TSPAN18: variants seen among roughly 807,000 people sequenced by gnomAD.
The protein encoded by TSPAN18 is tetraspanin 18, also known as tetraspanin-18.
Under a neutral mutation model 27.3 loss-of-function variants are expected in TSPAN18, and 14 were observed. The ratio of observed to expected loss-of-function variants is 0.51; its 90% CI spans 0.34 to 0.80. The LOEUF is 0.80. Ranked by LOEUF, TSPAN18 falls within the 30% of genes least tolerant of loss-of-function variation. TSPAN18 has a pLI of 0.01. For missense variants in TSPAN18, 268 were observed against 323.9 expected (o/e 0.83, Z 1.32); for synonymous variants, 143 against 136.5 (o/e 1.05, Z -0.33).
At chr11:44,862,183 G>A (rs996697073) in intron 3 of TSPAN18, among the ~76,000 whole-genome samples, 1 of 152,212 alleles carries the variant, frequency 6.6e-6, no homozygotes, top group Non-Finnish European at 1.5e-5. Context: ...TGGAAGCTCC[G>A]TCTCTGGGGG....
intron 3 of TSPAN18, among the ~76,000 whole-genome samples, chr11:44,861,615 T>A (rs1212808055): frequency 6.6e-6 from 1 of 151,850 alleles, no homozygotes; most frequent in Non-Finnish European, 1.5e-5. Flanking sequence ...AAAGGAATGC[T>A]GGGCAGACAA....
At chr11:44,741,284 A>T (rs1293004496) in intron 1 of TSPAN18, among the ~76,000 whole-genome samples, 1 of 152,234 alleles carries the variant, frequency 6.6e-6, no homozygotes, top group Non-Finnish European at 1.5e-5. Context: ...AAAGCAGTTT[A>T]ATGAAAGAAA....
intron 1 of TSPAN18, among the ~76,000 whole-genome samples, chr11:44,749,228 C>T (rs976622639): frequency 6.6e-5 from 10 of 152,190 alleles, no homozygotes; most frequent in African/African-American, 9.7e-5. Flanking sequence ...GAGCCTTGAG[C>T]GAGTCTCTTA....
intron 3 of TSPAN18, among the ~76,000 whole-genome samples, chr11:44,860,975 T>C (rs1857863367): frequency 6.6e-6 from 1 of 152,212 alleles, no homozygotes; most frequent in Non-Finnish European, 1.5e-5. Context: ...TTCTAATATA[T>C]TGGTTTCTAA....
intron 2 of TSPAN18, among the ~76,000 whole-genome samples, chr11:44,805,256 G>C (rs752368650): frequency 1.3e-5 from 2 of 152,220 alleles, no homozygotes; most frequent in Non-Finnish European, 2.9e-5. Context: ...GCAGATGCGT[G>C]CATCTGTGTG....
chr11:44,820,141 T>C (rs1423086216), intron 2 of TSPAN18, among the ~76,000 whole-genome samples: 2 of 152,248 alleles, frequency 1.3e-5, no homozygotes, highest in South Asian at 4.1e-4. Context: ...GGGTGGCCCA[T>C]GCTCTCTGTG....
In TSPAN18 at chr11:44,919,263, A is replaced by G. The variant is rs1191458147; in HGVS notation, c.383A>G (p.Asn128Ser). The change falls in exon 7 of 10, where the codon AAT becomes AGT. Residue 128 changes from asparagine (N) to serine (S), a missense_variant. Transcript: ENST00000520358. ...GAGCTCACCAAGCACTACCAGGGCA[A>G]TAACGACACAGACGTCTTCTCTGCC... ...TKELTKHYQG[N>S]NDTDVFSATW... The G allele has an allele frequency of 3.7e-6, 6 of 1,614,162 alleles. No individual in the cohort carries two copies. In the Admixed American group the frequency reaches 1.0e-4, roughly 27 times the overall value.
chr11:44,828,869 T>A (rs1857098605), intron 2 of TSPAN18, among the ~76,000 whole-genome samples: 1 of 151,956 alleles, frequency 6.6e-6, no homozygotes, highest in South Asian at 2.1e-4. Context: ...CCTAAATAGC[T>A]CTTGAATCTA....
At chr11:44,832,113 C>T (rs941884302) in intron 2 of TSPAN18, among the ~76,000 whole-genome samples, 1 of 152,168 alleles carries the variant, frequency 6.6e-6, no homozygotes, top group Non-Finnish European at 1.5e-5. Flanking sequence ...GTCATAGTGA[C>T]CTTCAGTTCC....
At chr11:44,863,651 T>G (rs1857955929) in intron 3 of TSPAN18, among the ~76,000 whole-genome samples, 1 of 152,200 alleles carries the variant, frequency 6.6e-6, no homozygotes, top group Non-Finnish European at 1.5e-5. Context: ...GCTGCACTAC[T>G]GATGTCCTTA....
chr11:44,864,287 A>C (rs1857975686), intron 3 of TSPAN18, among the ~76,000 whole-genome samples: 1 of 17,666 alleles, frequency 5.7e-5, no homozygotes, highest in East Asian at 4.3e-4. Flanking sequence ...ACTCCGTCTC[A>C]AAAAAAAAAA....
In TSPAN18 at chr11:44,929,152, A is replaced by G. The variant is rs138778813; in HGVS notation, c.721A>G (p.Met241Val). The change falls in exon 10 of 10, where the codon ATG (methionine) becomes GTG (valine). Residue 241 changes from methionine (M) to valine (V), a missense_variant. Coordinates refer to ENST00000520358, the MANE Select transcript of TSPAN18 (RefSeq NM_130783.5). ...GCAGCTTTTCGCCATGATCTTTGCC[A>G]TGTGCCTCTTCCGGGGCATCCAGTA... ...AIELFAMIFA[M>V]CLFRGIQ is the part of the protein sequence containing the mutation. The G allele has an allele frequency of 0.011, 17,634 of 1,613,532 alleles. 156 individuals are homozygous for G. The highest frequency in any genetic ancestry group is 0.014 in the Non-Finnish European group (16,465 of 1,180,012).
At position 44,783,229 on chromosome 11, in the gene TSPAN18, C is replaced by T. The variant is rs143948986; in HGVS notation, c.-153+18717C>T. On this transcript the variant is annotated intron_variant, in intron 2 of 9. Coordinates refer to ENST00000520358, the MANE Select transcript of TSPAN18 (RefSeq NM_130783.5). ...ATATCTTTAATGACCTTGAGGCAGG[C>T]AAAGATTTCTTAGATACCTAACCAT... Among the ~76,000 whole-genome samples the T allele has an allele frequency of 2.7e-3, 414 of 152,188 alleles. 3 individuals are homozygous for T. Among genetic ancestry groups the T allele is most frequent in the African/African-American group, 8.9e-3 (369 of 41,534 alleles).
At chr11:44,817,005 G>C (rs890002414) in intron 2 of TSPAN18, among the ~76,000 whole-genome samples, 5 of 152,234 alleles carry the variant, frequency 3.3e-5, no homozygotes, top group Admixed American at 6.5e-5. Context: ...TGTGCAGTGA[G>C]CTACTGGAGC....
intron 1 of TSPAN18, among the ~76,000 whole-genome samples, chr11:44,744,923 G>A (rs1855035490): frequency 1.3e-5 from 2 of 152,206 alleles, no homozygotes; most frequent in African/African-American, 2.4e-5. Flanking sequence ...GGATGAGCCT[G>A]TTTTACCCAG....
chr11:44,790,362 C>G (rs918505956), intron 2 of TSPAN18, among the ~76,000 whole-genome samples: 27 of 136,698 alleles, frequency 2.0e-4, no homozygotes, highest in African/African-American at 7.6e-4. Context: ...TGTGTGGGTG[C>G]GTGCATGTTT....
chr11:44,864,425 T>C (rs1186856685), intron 3 of TSPAN18, among the ~76,000 whole-genome samples: 1 of 152,126 alleles, frequency 6.6e-6, no homozygotes, highest in Non-Finnish European at 1.5e-5. Context: ...GAGCACTTAC[T>C]GTGTGCCTGG....
chr11:44,858,453 T>A (rs1857793281), intron 2 of TSPAN18, among the ~76,000 whole-genome samples: 1 of 152,224 alleles, frequency 6.6e-6, no homozygotes, highest in African/African-American at 2.4e-5. Context: ...AGAGGGTCCG[T>A]GATCCCCTTT....
At position 44,737,852 on chromosome 11, in the gene TSPAN18, T is replaced by G. The variant is rs114629631; in HGVS notation, c.-240+10565T>G. Among the ~76,000 whole-genome samples the G allele has an allele frequency of 3.5e-3, 534 of 152,166 alleles. 4 individuals are homozygous for G. The highest frequency in any genetic ancestry group is 0.012 in the African/African-American group (515 of 41,520). ...CCCCTGGACTGCTTTTTCCTCCCTC[T>G]TTAGTTACCTGACTCCTCCTCATCC... On this transcript the variant is annotated intron_variant, in intron 1 of 9. Coordinates refer to ENST00000520358, the MANE Select transcript of TSPAN18 (RefSeq NM_130783.5).
Sources: gnomAD v4.1 joint callset for allele counts (sites outside exome capture counted in the v4.1 genomes callset) on GRCh38, gnomAD v4.1.1 for gene constraint, MANE v1.5 for transcripts, NCBI Gene and HGNC (gene_info 2026-07-23, HGNC 2026-07-21) for gene names.